The following AP3B1 variants were observed in gnomAD, a reference collection of about 807,000 sequenced individuals.
AP3B1 encodes AP-3 complex subunit beta-1.
A neutral mutation model predicts 132.5 loss-of-function variants in AP3B1; 61 were observed. The ratio of observed to expected loss-of-function variants is 0.46; its 90% confidence interval spans 0.37 to 0.57. The LOEUF (loss-of-function observed/expected upper bound fraction) is 0.57, where lower values mean the gene tolerates loss of function less well. Among genes scored for constraint, AP3B1 ranks in the 20% least tolerant of loss-of-function variants. The probability of loss-of-function intolerance (pLI) is 0.00; values close to 1 mark genes in which losing one functional copy is unlikely to be tolerated. For missense variants in AP3B1, 1,120 were observed against 1,289.4 expected (o/e 0.87, Z 2.01); for synonymous variants, 388 against 438.3 (o/e 0.89, Z 1.43).
chr5:78,087,577 T>G (rs1750316787), intron 22 of AP3B1: 1 of 985,436 alleles, frequency 1.0e-6, no homozygotes, highest in African/African-American at 1.7e-5. Context: ...TTTGTTAGCT[T>G]TTGGGGAGTG....
rs1306629728 is a variant in AP3B1 at position 78,279,869 on chromosome 5, TATATATATATATGACTTAA to T, written c.129-12293_129-12275del. Among the ~76,000 whole-genome samples, 20 of 109,848 alleles carry T rather than the reference TATATATATATATGACTTAA, an allele frequency of 1.8e-4. No homozygotes were observed. The East Asian group carries it at 4.0e-3, about 22-fold the overall frequency. The allele number at this position is 109,848 out of a possible 152,430, so 72.1% of individuals were successfully genotyped here. A position where few individuals can be genotyped will look rare whatever the true frequency, so the allele number is the denominator to read the frequency against. ...GACTTAAATATATATAGGACTTAAA[TATATATATATATGACTTAA>T]ATATATATATATGACTTAAATATAT... On this transcript the variant is annotated intron_variant, in intron 1 of 26. Transcript: ENST00000255194.
intron 20 of AP3B1, among the ~76,000 whole-genome samples, chr5:78,107,327 T>C (rs1193173836): frequency 6.6e-6 from 1 of 152,140 alleles, no homozygotes; most frequent in African/African-American, 2.4e-5. Context: ...ATGTGTAGGA[T>C]AGAGTTGGAA....
chr5:78,266,358 T>C (rs10058493), intron 2 of AP3B1, among the ~76,000 whole-genome samples: 36,320 of 152,150 alleles, frequency 0.24, 5,176 homozygotes, highest in Non-Finnish European at 0.32. Context: ...AAATTGCCCC[T>C]ATACTGCCAA....
chr5:78,094,909 G>A (rs143329268), intron 21 of AP3B1, among the ~76,000 whole-genome samples: 93 of 152,082 alleles, frequency 6.1e-4, no homozygotes, highest in African/African-American at 2.1e-3. Flanking sequence ...TCAATCTCTT[G>A]GCCTCAGGTG....
chr5:78,058,381 C>G (rs1268376634), intron 22 of AP3B1, among the ~76,000 whole-genome samples: 1 of 151,858 alleles, frequency 6.6e-6, no homozygotes, highest in African/African-American at 2.4e-5. Flanking sequence ...GCACCTGTAA[C>G]CCCAGCTACT....
chr5:78,151,070 C>T (rs1340034787), intron 14 of AP3B1, among the ~76,000 whole-genome samples: 1 of 152,114 alleles, frequency 6.6e-6, no homozygotes, highest in Non-Finnish European at 1.5e-5. Flanking sequence ...AGGCACACAC[C>T]ACCACGCCCA....
intron 6 of AP3B1, among the ~76,000 whole-genome samples, chr5:78,223,955 T>C (rs1746294642): frequency 6.6e-6 from 1 of 152,166 alleles, no homozygotes; most frequent in Admixed American, 6.5e-5. Context: ...TAGTCTATAA[T>C]GTAGCAGAAA....
At chr5:78,235,908 G>T (rs1489197566) in intron 3 of AP3B1, among the ~76,000 whole-genome samples, 1 of 152,192 alleles carries the variant, frequency 6.6e-6, no homozygotes, top group Non-Finnish European at 1.5e-5. Flanking sequence ...CAGCTCACCT[G>T]TGTGTCTAAA....
At chr5:78,049,284 T>C (rs571450375) in intron 22 of AP3B1, among the ~76,000 whole-genome samples, 4 of 152,308 alleles carry the variant, frequency 2.6e-5, no homozygotes, top group Admixed American at 2.6e-4. Context: ...AAGAATTAGG[T>C]ATTTCACAGC....
intron 25 of AP3B1, among the ~76,000 whole-genome samples, chr5:78,016,568 G>C (rs1382548119): frequency 6.6e-6 from 1 of 151,978 alleles, no homozygotes; most frequent in Non-Finnish European, 1.5e-5. Flanking sequence ...CTGATTTCAT[G>C]TTTTCAAAAG....
At chr5:78,067,543 C>A (rs1029615973) in intron 22 of AP3B1, among the ~76,000 whole-genome samples, 3 of 152,128 alleles carry the variant, frequency 2.0e-5, no homozygotes, top group Non-Finnish European at 4.4e-5. Flanking sequence ...TCAGCAAATG[C>A]AAAATAAGTG....
chr5:78,129,809 C>A (rs999018959), intron 15 of AP3B1, among the ~76,000 whole-genome samples: 1 of 152,072 alleles, frequency 6.6e-6, no homozygotes, highest in Non-Finnish European at 1.5e-5. Flanking sequence ...AGTTACTTTA[C>A]CCTGAATTAT....
At chr5:78,237,302 C>G (rs1303747822) in intron 3 of AP3B1, among the ~76,000 whole-genome samples, 1 of 151,808 alleles carries the variant, frequency 6.6e-6, no homozygotes, top group Non-Finnish European at 1.5e-5. Flanking sequence ...TCAACACCAG[C>G]CTGGGCAACA....
chr5:78,240,079 G>T (rs1407549791), intron 3 of AP3B1, among the ~76,000 whole-genome samples: 1 of 152,136 alleles, frequency 6.6e-6, no homozygotes, highest in Admixed American at 6.5e-5. Context: ...TCTCACACTT[G>T]CCCGTGCAAG....
At chr5:78,110,089 T>C (rs1751509143) in intron 20 of AP3B1, 118 bp downstream of exon 20, 3 of 920,608 alleles carry the variant, frequency 3.3e-6, no homozygotes, top group Non-Finnish European at 5.0e-6. Flanking sequence ...AGTTGGGTTA[T>C]AAGGGAAAGG....
chr5:78,043,796 C>T (rs1312514278), intron 22 of AP3B1: 8 of 374,988 alleles, frequency 2.1e-5, no homozygotes, highest in South Asian at 1.2e-4. Context: ...TCTACACTAG[C>T]CTGAAGAGCC....
chr5:78,174,839 G>C (rs989373792), intron 11 of AP3B1, among the ~76,000 whole-genome samples: 5 of 152,264 alleles, frequency 3.3e-5, no homozygotes, highest in African/African-American at 1.2e-4. Flanking sequence ...GGAGTCTATA[G>C]AGGCAGTAGG....
intron 26 of AP3B1, among the ~76,000 whole-genome samples, chr5:78,014,111 C>T (rs1010286611): frequency 1.3e-5 from 2 of 151,926 alleles, no homozygotes; most frequent in Non-Finnish European, 2.9e-5. Flanking sequence ...TGCAGTGAGC[C>T]GAGATCGCGC....
chr5:78,029,607 C>T (rs1473978662), intron 24 of AP3B1, among the ~76,000 whole-genome samples: 2 of 152,042 alleles, frequency 1.3e-5, no homozygotes, highest in Non-Finnish European at 2.9e-5. Context: ...TTATATTTGC[C>T]ATGCTTTTTC....
Sources: gnomAD v4.1 joint callset for allele counts (sites outside exome capture counted in the v4.1 genomes callset) on GRCh38, gnomAD v4.1.1 for gene constraint, MANE v1.5 for transcripts, NCBI Gene and HGNC (gene_info 2026-07-23, HGNC 2026-07-21) for gene names.